CDH13: variants seen among roughly 807,000 people sequenced by gnomAD.
The protein encoded by CDH13 is cadherin 13, also known as cadherin-13.
In CDH13, 24 loss-of-function variants were observed where a neutral mutation model predicts 63.8. The ratio of observed to expected loss-of-function variants is 0.38; its 90% CI spans 0.27 to 0.53. CDH13 has a LOEUF of 0.53. Among genes scored for constraint, CDH13 ranks in the 20% least tolerant of loss-of-function variants. CDH13 has a pLI of 0.85. For missense variants in CDH13, 1,049 were observed against 903.1 expected (o/e 1.16, Z -2.07); for synonymous variants, 503 against 355.3 (o/e 1.42, Z -4.67).
chr16:83,467,902 G>C (rs980811945), intron 6 of CDH13, among the ~76,000 whole-genome samples: 2 of 152,190 alleles, frequency 1.3e-5, no homozygotes, highest in African/African-American at 4.8e-5. Context: ...GTTTGACAGG[G>C]TGAATCAAGG....
chr16:82,679,902 A>G (rs977390914), intron 1 of CDH13, among the ~76,000 whole-genome samples: 7 of 152,204 alleles, frequency 4.6e-5, no homozygotes, highest in Non-Finnish European at 8.8e-5. Flanking sequence ...GATTGTCAGG[A>G]TCATTAAACA....
chr16:82,701,445 A>G (rs887375332), intron 1 of CDH13, among the ~76,000 whole-genome samples: 1 of 152,068 alleles, frequency 6.6e-6, no homozygotes, highest in African/African-American at 2.4e-5. Context: ...TCTGATTGCA[A>G]GTGATAGAAA....
Position 82,994,244 on chromosome 16 carries a change from G to A in CDH13, c.158-37766G>A, listed in dbSNP as rs548512805. ...CTCACTGGCTTAGCTTTTCTGTTCA[G>A]TTCTTGGATGGGCCTCTTTATAGCT... On this transcript the variant is annotated intron_variant, in intron 2 of 13. Transcript: ENST00000567109. Among the ~76,000 whole-genome samples the A allele has an allele frequency of 3.9e-5, 6 of 152,270 alleles. No individual in the cohort carries two copies. In the East Asian group the frequency reaches 9.7e-4, roughly 25 times the overall value.
At chr16:83,335,790 C>A (rs190496950) in intron 5 of CDH13, among the ~76,000 whole-genome samples, 2 of 152,210 alleles carry the variant, frequency 1.3e-5, no homozygotes, top group African/African-American at 2.4e-5. Context: ...TCACGTACCC[C>A]CTGCTTGCTC....
intron 6 of CDH13, among the ~76,000 whole-genome samples, chr16:83,361,196 A>G (rs180827443): frequency 9.9e-5 from 15 of 152,020 alleles, no homozygotes; most frequent in African/African-American, 2.9e-4. Context: ...AGTGATCACA[A>G]TTTTTCATAT....
chr16:83,427,929 G>A (rs113224771), intron 6 of CDH13, among the ~76,000 whole-genome samples: 3,083 of 152,344 alleles, frequency 0.02, 56 homozygotes, highest in Middle Eastern at 0.044. Flanking sequence ...GACAGCTTTG[G>A]CTGCTCCATG....
intron 1 of CDH13, among the ~76,000 whole-genome samples, chr16:82,706,616 G>A (rs1329471537): frequency 6.6e-6 from 1 of 151,430 alleles, no homozygotes; most frequent in Non-Finnish European, 1.5e-5. Context: ...CCAACATGGT[G>A]AAACCCCGTC....
At chr16:83,522,493 C>T (rs2074863836) in intron 7 of CDH13, among the ~76,000 whole-genome samples, 1 of 152,158 alleles carries the variant, frequency 6.6e-6, no homozygotes, top group Non-Finnish European at 1.5e-5. Flanking sequence ...CTATTACAGA[C>T]TTGAAGCTGG....
chr16:82,793,824 C>G (rs895843828), intron 1 of CDH13, among the ~76,000 whole-genome samples: 2 of 152,074 alleles, frequency 1.3e-5, no homozygotes, highest in African/African-American at 2.4e-5. Flanking sequence ...ATCTCAGGTG[C>G]AACACTTGAA....
chr16:83,539,298 G>T (rs1461502294), intron 7 of CDH13, among the ~76,000 whole-genome samples: 2 of 152,072 alleles, frequency 1.3e-5, no homozygotes, highest in African/African-American at 4.8e-5. Flanking sequence ...TTCACAGTAG[G>T]GTTCACGCTT....
In CDH13 at chr16:83,111,742, A is replaced by G. The variant is rs2035067056; in HGVS notation, c.367-13643A>G. 2.0e-5 allele frequency among the ~76,000 whole-genome samples: 3 copies of G among 152,216 alleles called. No homozygotes were observed. In the South Asian group the frequency reaches 6.2e-4, roughly 32 times the overall value. ...ATAAAAACCTGGATCATATCAATAG[A>G]TCGTCATAACTTGGCTTCAACAAGA... On this transcript the variant is annotated intron_variant, in intron 3 of 13. Transcript: ENST00000567109.
chr16:83,365,303 A>G (rs573209764), intron 6 of CDH13, among the ~76,000 whole-genome samples: 1 of 152,248 alleles, frequency 6.6e-6, no homozygotes, highest in African/African-American at 2.4e-5. Flanking sequence ...CAGGCCTCTG[A>G]CTCAGCTTTT....
intron 6 of CDH13, among the ~76,000 whole-genome samples, chr16:83,452,575 A>G (rs933121319): frequency 6.6e-6 from 1 of 152,042 alleles, no homozygotes; most frequent in African/African-American, 2.4e-5. Flanking sequence ...TGGGGATGGT[A>G]CTTGTTTCCT....
At chr16:83,025,076 AG>A (rs1373566857) in intron 2 of CDH13, among the ~76,000 whole-genome samples, 4 of 152,202 alleles carry the variant, frequency 2.6e-5, no homozygotes, top group Non-Finnish European at 5.9e-5. Flanking sequence ...GTGTAGGAAA[AG>A]GAAAAGGTAG....
intron 4 of CDH13, among the ~76,000 whole-genome samples, chr16:83,207,725 C>G (rs1284295492): frequency 1.3e-5 from 2 of 149,372 alleles, no homozygotes; most frequent in African/African-American, 4.9e-5. Flanking sequence ...AAAAATAAAA[C>G]CCCTGCAAAT....
At chr16:83,260,873 A>G (rs141718874) in intron 5 of CDH13, among the ~76,000 whole-genome samples, 3 of 152,248 alleles carry the variant, frequency 2.0e-5, no homozygotes, top group East Asian at 3.9e-4. Flanking sequence ...AAAAGCATGC[A>G]TAGCTCATAG....
At position 83,718,701 on chromosome 16, in the gene CDH13, G is replaced by T. The variant is rs114972274; in HGVS notation, c.1539-29407G>T. Among the ~76,000 whole-genome samples the T allele has an allele frequency of 4.3e-3, 654 of 152,256 alleles. 6 individuals carry two copies. The highest frequency in any genetic ancestry group is 0.015 in the African/African-American group (617 of 41,554). On this transcript the variant is annotated intron_variant, in intron 10 of 13. Coordinates refer to ENST00000567109, the MANE Select transcript of CDH13 (RefSeq NM_001257.5). Reference sequence around the variant, plus strand: ...TCCACCACCACGATGGGTCCAGTTGGTCTTAGCCAGCTTGGCCCACACTCT... The same window carrying T: ...TCCACCACCACGATGGGTCCAGTTGTTCTTAGCCAGCTTGGCCCACACTCT...
intron 7 of CDH13, among the ~76,000 whole-genome samples, chr16:83,573,314 G>A (rs935898113): frequency 3.9e-5 from 6 of 152,134 alleles, no homozygotes; most frequent in Middle Eastern, 3.2e-3. Flanking sequence ...AGTACTGGTG[G>A]GTGTGGCTCA....
intron 8 of CDH13, among the ~76,000 whole-genome samples, chr16:83,666,862 G>A (rs1408417763): frequency 1.3e-5 from 2 of 151,822 alleles, no homozygotes; most frequent in African/African-American, 4.8e-5. Context: ...GACTCCCCAA[G>A]AACTGTAATT....
Sources: gnomAD v4.1 joint callset for allele counts (sites outside exome capture counted in the v4.1 genomes callset) on GRCh38, gnomAD v4.1.1 for gene constraint, MANE v1.5 for transcripts, NCBI Gene and HGNC (gene_info 2026-07-23, HGNC 2026-07-21) for gene names.